Variants in GLRA1 observed in about 807,000 individuals in gnomAD.
The protein encoded by GLRA1 is glycine receptor alpha 1, also known as glycine receptor subunit alpha-1.
Under a neutral mutation model 48.3 loss-of-function variants are expected in GLRA1, and 37 were observed. That is an observed-to-expected ratio of 0.77 (90% CI 0.59 to 1.01). GLRA1 has a LOEUF of 1.01. GLRA1 is among the 50% of genes least tolerant of loss of function. The pLI, the probability that GLRA1 is intolerant of heterozygous loss-of-function variation, is 0.00. For synonymous variants in GLRA1, 196 were observed against 210.7 expected (o/e 0.93, Z 0.60); for missense variants, 427 against 571.0 (o/e 0.75, Z 2.57).
chr5:151,924,478 G>A lies in GLRA1; in HGVS notation c.56+16C>T, dbSNP rs755895077. ...CATTTCCATCAGAGCGATGTGGTCA[G>A]TAGAAAATTGCATACCTGAAGAATA... On this transcript the variant is annotated intron_variant, in intron 1 of 8. Transcript: ENST00000274576. 1.3e-6 allele frequency: 2 copies of A among 1,482,050 alleles called. No homozygotes were observed. The allele number at this position is 1,482,050 out of a possible 1,614,324, so 91.8% of individuals were successfully genotyped here.
At chr5:151,830,531 G>C (rs1265781992) in intron 7 of GLRA1, among the ~76,000 whole-genome samples, 1 of 152,172 alleles carries the variant, frequency 6.6e-6, no homozygotes, top group East Asian at 1.9e-4. Flanking sequence ...CTCACCTTTG[G>C]CTAACCTTGA....
intron 2 of GLRA1, 74 bp downstream of exon 2, chr5:151,892,237 G>T (rs1754095515): frequency 1.5e-6 from 2 of 1,334,580 alleles, no homozygotes; most frequent in Non-Finnish European, 2.2e-6. Flanking sequence ...CCATCTGCGT[G>T]CATTACCATG....
At chr5:151,846,562 TC>T (rs1752675240) in intron 7 of GLRA1, among the ~76,000 whole-genome samples, 1 of 152,198 alleles carries the variant, frequency 6.6e-6, no homozygotes, top group African/African-American at 2.4e-5. Context: ...CGAGTTTTGT[TC>T]TAAGGGTGAA....
At chr5:151,917,899 G>A (rs1302843942) in intron 1 of GLRA1, among the ~76,000 whole-genome samples, 1 of 152,218 alleles carries the variant, frequency 6.6e-6, no homozygotes, top group Non-Finnish European at 1.5e-5. Flanking sequence ...AGAATATGAG[G>A]CAAGAGAGCA....
chr5:151,920,119 A>G (rs966340056), intron 1 of GLRA1, among the ~76,000 whole-genome samples: 1 of 152,270 alleles, frequency 6.6e-6, no homozygotes, highest in African/African-American at 2.4e-5. Context: ...ACATAAGCAC[A>G]TGATAAACAA....
chr5:151,823,043 G>T, intron 8 of GLRA1, 80 bp from the exon 9 acceptor site: 1 of 1,220,144 alleles, frequency 8.2e-7, no homozygotes, highest in East Asian at 2.5e-5. Flanking sequence ...TCCCTTGGGG[G>T]CCAGGCCATG....
chr5:151,866,336 C>T (rs908010751), intron 3 of GLRA1, among the ~76,000 whole-genome samples: 2 of 152,226 alleles, frequency 1.3e-5, no homozygotes, highest in African/African-American at 4.8e-5. Context: ...GCTTCCTATG[C>T]ACCACCTGAA....
chr5:151,924,632 T>C lies in GLRA1; in HGVS notation c.-83A>G. ...TGGCACTTACAAAACCAGAAAGCGC[T>C]ATTGCAAAAAATAATCCAGATGTTA... On this transcript the variant is annotated 5_prime_UTR_variant, in exon 1 of 9. In the 5' UTR this introduces an upstream ATG that the reference lacks. Coordinates refer to ENST00000274576, the MANE Select transcript of GLRA1 (RefSeq NM_000171.4). The C allele has an allele frequency of 1.2e-6, 1 of 866,218 alleles. No individual in the cohort carries two copies. Among genetic ancestry groups the C allele is most frequent in the Non-Finnish European group, 2.0e-6 (1 of 496,760 alleles). The allele number at this position is 866,218 out of a possible 1,614,324, so 53.7% of individuals were successfully genotyped here.
At chr5:151,894,258 T>C (rs1342389106) in intron 1 of GLRA1, among the ~76,000 whole-genome samples, 1 of 152,202 alleles carries the variant, frequency 6.6e-6, no homozygotes, top group East Asian at 1.9e-4. Flanking sequence ...TCAGCTTCTT[T>C]TCTGGTCTCA....
At chr5:151,898,657 G>A (rs1754284444) in intron 1 of GLRA1, among the ~76,000 whole-genome samples, 1 of 152,146 alleles carries the variant, frequency 6.6e-6, no homozygotes, top group African/African-American at 2.4e-5. Flanking sequence ...GGGACTAAGA[G>A]GCTGAGAGTA....
At chr5:151,901,511 A>T (rs1754368034) in intron 1 of GLRA1, among the ~76,000 whole-genome samples, 1 of 152,210 alleles carries the variant, frequency 6.6e-6, no homozygotes, top group Admixed American at 6.5e-5. Flanking sequence ...GCATCCCACG[A>T]GTTGGACAGA....
chr5:151,912,262 G>GTTTTTTTTTTTTTTTTTTTTTTT lies in GLRA1; in HGVS notation c.56+12231_56+12232insAAAAAAAAAAAAAAAAAAAAAAA, dbSNP rs370730368. Among the ~76,000 whole-genome samples, 2 of 121,640 alleles carry GTTTTTTTTTTTTTTTTTTTTTTT rather than the reference G, an allele frequency of 1.6e-5. 1 individual carries two copies. The highest frequency in any genetic ancestry group is 3.3e-5 in the Non-Finnish European group (2 of 60,232). 79.8% of individuals were successfully genotyped at this position (121,640 alleles called of 152,430 possible). On this transcript the variant is annotated intron_variant, in intron 1 of 8. Coordinates refer to ENST00000274576, the MANE Select transcript of GLRA1 (RefSeq NM_000171.4). ...CTCTTATTTGGCTCCTGTGAAGACT[G>GTTTTTTTTTTTTTTTTTTTTTTT]TTTTTTTTTTTTTTTTTTCTACTAG...
rs1344806079 is a variant in GLRA1, at chr5:151,843,464, T to A, written c.912+7926A>T. On this transcript the variant is annotated intron_variant, in intron 7 of 8. Transcript: ENST00000274576. Reference sequence around the variant, plus strand: ...TTTTAGTAGAGACGAGGTTTCACCATGTTAGTCAGGATGGTCTAGATCTCC... The same window carrying A: ...TTTTAGTAGAGACGAGGTTTCACCAAGTTAGTCAGGATGGTCTAGATCTCC... Among the ~76,000 whole-genome samples the A allele has an allele frequency of 3.3e-5, 5 of 152,084 alleles. No individual in the cohort carries two copies. The South Asian group carries it at 1.0e-3, about 32-fold the overall frequency.
chr5:151,868,258 G>C (rs557757212), intron 3 of GLRA1, among the ~76,000 whole-genome samples: 19 of 152,184 alleles, frequency 1.2e-4, no homozygotes, highest in Non-Finnish European at 2.1e-4. Flanking sequence ...GGACAGTTGT[G>C]AAAACTAAAG....
chr5:151,902,781 A>C (rs1754393795), intron 1 of GLRA1, among the ~76,000 whole-genome samples: 1 of 152,182 alleles, frequency 6.6e-6, no homozygotes. Flanking sequence ...CTTTATTTAC[A>C]ATACTTAATC....
intron 3 of GLRA1, among the ~76,000 whole-genome samples, chr5:151,883,438 AT>A (rs55854212): frequency 0.59 from 89,449 of 151,396 alleles, 26,514 homozygotes; most frequent in East Asian, 0.69. Flanking sequence ...ACATTTATCT[AT>A]AGGTTATGAG....
At chr5:151,922,489 C>T (rs1292183527) in intron 1 of GLRA1, among the ~76,000 whole-genome samples, 3 of 152,286 alleles carry the variant, frequency 2.0e-5, no homozygotes, top group African/African-American at 2.4e-5. Flanking sequence ...ATGAAGTAGC[C>T]GTTCCTATAT....
At chr5:151,835,590 C>T (rs1167295412) in intron 7 of GLRA1, among the ~76,000 whole-genome samples, 1 of 152,210 alleles carries the variant, frequency 6.6e-6, no homozygotes, top group Non-Finnish European at 1.5e-5. Context: ...AATCCAGCAG[C>T]ACATCAAAAA....
chr5:151,902,043 C>T (rs1754379761), intron 1 of GLRA1, among the ~76,000 whole-genome samples: 1 of 152,168 alleles, frequency 6.6e-6, no homozygotes, highest in Non-Finnish European at 1.5e-5. Context: ...ATAAATGTTT[C>T]CCCATAACTC....
Sources: allele counts gnomAD v4.1 joint callset (sites outside exome capture counted in the v4.1 genomes callset), GRCh38; gene constraint gnomAD v4.1.1; transcripts MANE v1.5; gene names NCBI Gene and HGNC (gene_info 2026-07-23, HGNC 2026-07-21).